The following LHFPL2 variants were observed in gnomAD, a reference collection of about 807,000 sequenced individuals.
The protein encoded by LHFPL2 is LHFPL tetraspan subfamily member 2, also known as LHFPL tetraspan subfamily member 2 protein.
LHFPL2 carries 7 observed loss-of-function variants against 17.5 expected under a neutral mutation model. The observed-to-expected ratio is 0.40, with a 90% CI of 0.23 to 0.75. The LOEUF (loss-of-function observed/expected upper bound fraction) is 0.75. Among genes scored for constraint, LHFPL2 ranks in the 30% least tolerant of loss-of-function variants. LHFPL2 has a pLI of 0.37. For missense variants in LHFPL2, 241 were observed against 294.8 expected (o/e 0.82, Z 1.34); for synonymous variants, 134 against 116.2 (o/e 1.15, Z -0.99).
intron 1 of LHFPL2, among the ~76,000 whole-genome samples, chr5:78,638,228 G>A (rs1056343935): frequency 3.9e-5 from 6 of 152,106 alleles, no homozygotes; most frequent in Non-Finnish European, 5.9e-5. Flanking sequence ...GGTAGCAGGC[G>A]CCTGTAGTCC....
chr5:78,511,154 T>G (rs1755111348), intron 3 of LHFPL2, among the ~76,000 whole-genome samples: 1 of 152,124 alleles, frequency 6.6e-6, no homozygotes, highest in Non-Finnish European at 1.5e-5. Flanking sequence ...GAAATTATTT[T>G]TAAAAGACAT....
chr5:78,539,230 G>C (rs569028290), intron 3 of LHFPL2, among the ~76,000 whole-genome samples: 1 of 152,136 alleles, frequency 6.6e-6, no homozygotes, highest in Non-Finnish European at 1.5e-5. Flanking sequence ...TCTTGGAAGC[G>C]GATAGCAGCC....
At chr5:78,609,974 C>A (rs1389564562) in intron 2 of LHFPL2, among the ~76,000 whole-genome samples, 1 of 152,144 alleles carries the variant, frequency 6.6e-6, no homozygotes, top group Non-Finnish European at 1.5e-5. Flanking sequence ...GAAACTCCTG[C>A]CCTGGGCAGC....
intron 2 of LHFPL2, among the ~76,000 whole-genome samples, chr5:78,583,348 T>C (rs1743223503): frequency 6.6e-6 from 1 of 152,110 alleles, no homozygotes. Context: ...GTGATTTTGC[T>C]CGTTAGTTGA....
chr5:78,630,777 A>T (rs1745214440), intron 2 of LHFPL2, among the ~76,000 whole-genome samples: 1 of 152,212 alleles, frequency 6.6e-6, no homozygotes, highest in Non-Finnish European at 1.5e-5. Flanking sequence ...GGCAACTGGA[A>T]GGCTGAACAA....
chr5:78,604,096 A>G (rs912151140), intron 2 of LHFPL2, among the ~76,000 whole-genome samples: 1 of 152,250 alleles, frequency 6.6e-6, no homozygotes, highest in Non-Finnish European at 1.5e-5. Flanking sequence ...CATGGAATGT[A>G]AAATTATAAT....
At chr5:78,495,151 G>A (rs1490661945) in intron 4 of LHFPL2, among the ~76,000 whole-genome samples, 4 of 152,174 alleles carry the variant, frequency 2.6e-5, no homozygotes, top group Admixed American at 1.3e-4. Flanking sequence ...TATTTCACTG[G>A]GTCTGAAGGT....
At chr5:78,506,264 A>T (rs188134739) in intron 4 of LHFPL2, among the ~76,000 whole-genome samples, 2 of 152,202 alleles carry the variant, frequency 1.3e-5, no homozygotes, top group African/African-American at 4.8e-5. Flanking sequence ...TGGCCTATTT[A>T]TATCTTAAAA....
At chr5:78,531,912 C>A (rs1755795156) in intron 3 of LHFPL2, among the ~76,000 whole-genome samples, 1 of 151,590 alleles carries the variant, frequency 6.6e-6, no homozygotes, top group Admixed American at 6.6e-5. Context: ...CAAGCAGCAC[C>A]ACCATGCCCG....
rs1210374305 is a variant in LHFPL2 at position 78,585,000 on chromosome 5, T to G, written c.-244-20129A>C. Among the ~76,000 whole-genome samples the G allele has an allele frequency of 8.3e-5, 4 of 48,318 alleles. 1 individual carries two copies. The highest frequency in any genetic ancestry group is 3.9e-4 in the East Asian group (1 of 2,560). 31.7% of individuals were successfully genotyped at this position (48,318 alleles called of 152,430 possible). A position where few individuals can be genotyped will look rare whatever the true frequency, so the allele number is the denominator to read the frequency against. On this transcript the variant is annotated intron_variant, in intron 2 of 4. Transcript: ENST00000380345. ...ATAATCTCCTGGTGCGCTGTGTTTT[T>G]TTTTTTTTTTTTTTTTTTTTTTTTG...
At chr5:78,535,516 A>G (rs1017173079) in intron 3 of LHFPL2, among the ~76,000 whole-genome samples, 3 of 152,228 alleles carry the variant, frequency 2.0e-5, no homozygotes, top group East Asian at 3.9e-4. Flanking sequence ...GAGCCACACA[A>G]AGCCAGAGCA....
chr5:78,513,524 G>A (rs1173040336), intron 3 of LHFPL2, among the ~76,000 whole-genome samples: 1 of 152,184 alleles, frequency 6.6e-6, no homozygotes, highest in African/African-American at 2.4e-5. Flanking sequence ...ACGCAAGGCT[G>A]ACTAAAATCG....
intron 3 of LHFPL2, among the ~76,000 whole-genome samples, chr5:78,523,959 G>GA (rs1394245348): frequency 6.6e-6 from 1 of 152,144 alleles, no homozygotes; most frequent in African/African-American, 2.4e-5. Flanking sequence ...CTGAGGGAAG[G>GA]AAACGAGCCG....
chr5:78,621,873 T>G lies in LHFPL2; in HGVS notation c.-245+10391A>C, dbSNP rs150243958. On this transcript the variant is annotated intron_variant, in intron 2 of 4. Transcript: ENST00000380345. Reference sequence around the variant, plus strand: ...CAATTTTTTGGCTTTGCCTTCCCCTTTCCCCCTAAGCTGTTGGTCCAGGAA... The same window carrying G: ...CAATTTTTTGGCTTTGCCTTCCCCTGTCCCCCTAAGCTGTTGGTCCAGGAA... 2.9e-3 allele frequency among the ~76,000 whole-genome samples: 441 copies of G among 152,182 alleles called. 3 individuals are homozygous for G. Among genetic ancestry groups the G allele is most frequent in the African/African-American group, 0.01 (423 of 41,528 alleles).
At chr5:78,610,933 C>T (rs553421566) in intron 2 of LHFPL2, among the ~76,000 whole-genome samples, 1 of 151,712 alleles carries the variant, frequency 6.6e-6, no homozygotes, top group Admixed American at 6.6e-5. Context: ...ATTGCACGGG[C>T]ATTAACACAA....
chr5:78,628,439 G>A (rs1745134137), intron 2 of LHFPL2, among the ~76,000 whole-genome samples: 1 of 152,098 alleles, frequency 6.6e-6, no homozygotes, highest in African/African-American at 2.4e-5. Flanking sequence ...CCCAGGGTGG[G>A]GTCACAATCA....
intron 3 of LHFPL2, among the ~76,000 whole-genome samples, chr5:78,520,713 C>T (rs896704037): frequency 2.0e-5 from 3 of 152,244 alleles, no homozygotes; most frequent in African/African-American, 7.2e-5. Context: ...CCCTCTTCTG[C>T]TCATATGTTT....
chr5:78,639,654 T>C (rs983473178), intron 1 of LHFPL2, among the ~76,000 whole-genome samples: 1 of 152,156 alleles, frequency 6.6e-6, no homozygotes, highest in East Asian at 1.9e-4. Context: ...ACAAATGTGA[T>C]TTTAGATTGT....
At chr5:78,501,537 C>T (rs16875531) in intron 4 of LHFPL2, among the ~76,000 whole-genome samples, 7,363 of 152,234 alleles carry the variant, frequency 0.048, 356 homozygotes, top group East Asian at 0.26. Context: ...GGTAAGGAGG[C>T]TCTGAGTCTC....
Sources: gnomAD v4.1 joint callset for allele counts (sites outside exome capture counted in the v4.1 genomes callset) on GRCh38, gnomAD v4.1.1 for gene constraint, MANE v1.5 for transcripts, NCBI Gene and HGNC (gene_info 2026-07-23, HGNC 2026-07-21) for gene names.